Variants in B3GALT1 observed in about 807,000 individuals in gnomAD.
The protein encoded by B3GALT1 is beta-1,3-galactosyltransferase 1, also known as UDP-Gal:betaGlcNAc beta 1,3-galactosyltransferase, polypeptide 1.
In B3GALT1, 10 loss-of-function variants were observed where a neutral mutation model predicts 23.2. The ratio of observed to expected loss-of-function variants is 0.43; its 90% CI spans 0.27 to 0.73. The LOEUF (loss-of-function observed/expected upper bound fraction) is 0.73, where lower values mean the gene tolerates loss of function less well. Ranked by LOEUF, B3GALT1 falls within the 30% of genes least tolerant of loss-of-function variation. B3GALT1 has a pLI of 0.21. For synonymous variants in B3GALT1, 156 were observed against 141.5 expected, an observed-to-expected ratio of 1.10 and a Z score of -0.73; for missense variants, 299 against 405.4, an observed-to-expected ratio of 0.74 and a Z score of 2.25.
At chr2:167,449,315 A>C (rs1456442487) in intron 1 of B3GALT1, among the ~76,000 whole-genome samples, 1 of 152,046 alleles carries the variant, frequency 6.6e-6, no homozygotes, top group African/African-American at 2.4e-5. Context: ...TTCCTTGGTT[A>C]GGTATACTCC....
chr2:167,775,904 A>G (rs1287550607), intron 3 of B3GALT1, among the ~76,000 whole-genome samples: 2 of 152,290 alleles, frequency 1.3e-5, no homozygotes, highest in East Asian at 1.9e-4. Flanking sequence ...AAAAGACACA[A>G]CAGAGACAGT....
intron 2 of B3GALT1, among the ~76,000 whole-genome samples, chr2:167,494,930 C>A (rs1408545305): frequency 1.3e-5 from 2 of 152,106 alleles, no homozygotes; most frequent in African/African-American, 4.8e-5. Context: ...AAATGTTGTA[C>A]CATTGGCTTT....
chr2:167,578,874 G>T (rs1390459895), intron 2 of B3GALT1, among the ~76,000 whole-genome samples: 1 of 152,004 alleles, frequency 6.6e-6, no homozygotes, highest in African/African-American at 2.4e-5. Context: ...CAAATATTCT[G>T]CTTTTTCCTT....
intron 1 of B3GALT1, among the ~76,000 whole-genome samples, chr2:167,330,917 T>C (rs1327469817): frequency 6.6e-6 from 1 of 152,186 alleles, no homozygotes; most frequent in Non-Finnish European, 1.5e-5. Context: ...TTATGCTTCC[T>C]GTATCTTTAT....
At chr2:167,339,184 G>A (rs1697109654) in intron 1 of B3GALT1, among the ~76,000 whole-genome samples, 1 of 152,036 alleles carries the variant, frequency 6.6e-6, no homozygotes, top group South Asian at 2.1e-4. Context: ...TGACTGAAAT[G>A]GCAAAGAACG....
intron 4 of B3GALT1, among the ~76,000 whole-genome samples, chr2:167,819,412 T>C (rs993627731): frequency 9.8e-5 from 15 of 152,346 alleles, no homozygotes; most frequent in Admixed American, 9.8e-4. Context: ...TAAAATGTTT[T>C]TATTTAAAGT....
At chr2:167,815,843 C>T (rs889716626) in intron 3 of B3GALT1, among the ~76,000 whole-genome samples, 2 of 152,174 alleles carry the variant, frequency 1.3e-5, no homozygotes, top group Admixed American at 1.3e-4. Flanking sequence ...GCTATTTCCC[C>T]AGAAAAACAC....
chr2:167,376,787 A>T (rs186946524), intron 1 of B3GALT1, among the ~76,000 whole-genome samples: 23 of 152,232 alleles, frequency 1.5e-4, no homozygotes, highest in Admixed American at 1.4e-3. Flanking sequence ...CTTTCAAAAA[A>T]CAAACTTTTG....
intron 1 of B3GALT1, among the ~76,000 whole-genome samples, chr2:167,436,761 C>A (rs1170921787): frequency 1.3e-5 from 2 of 152,100 alleles, no homozygotes; most frequent in Admixed American, 6.6e-5. Context: ...TCATATCCTG[C>A]AGTCCCCCAG....
chr2:167,549,178 A>C (rs1341856254), intron 2 of B3GALT1, among the ~76,000 whole-genome samples: 1 of 152,196 alleles, frequency 6.6e-6, no homozygotes, highest in East Asian at 1.9e-4. Context: ...TTTGTTAGCT[A>C]TTTATAACAG....
intron 1 of B3GALT1, among the ~76,000 whole-genome samples, chr2:167,409,710 A>T (rs2204278): frequency 0.95 from 143,787 of 151,944 alleles, 68,302 homozygotes; most frequent in Non-Finnish European, 0.99. Flanking sequence ...CCCCTTTAGC[A>T]CAGAGTTGTT....
At chr2:167,320,689 T>C (rs1168834773) in intron 1 of B3GALT1, among the ~76,000 whole-genome samples, 1 of 152,132 alleles carries the variant, frequency 6.6e-6, no homozygotes, top group Non-Finnish European at 1.5e-5. Context: ...GTTTCCTGTA[T>C]AGATTACAAA....
intron 1 of B3GALT1, among the ~76,000 whole-genome samples, chr2:167,445,734 C>G (rs1039512378): frequency 3.9e-5 from 6 of 152,082 alleles, no homozygotes; most frequent in Non-Finnish European, 8.8e-5. Context: ...GCCTCCATCC[C>G]TTTCTTTTGA....
chr2:167,612,494 T>G (rs1685085152), intron 2 of B3GALT1, among the ~76,000 whole-genome samples: 1 of 151,772 alleles, frequency 6.6e-6, no homozygotes, highest in African/African-American at 2.4e-5. Flanking sequence ...CTGGTAATCC[T>G]GTATGTTGTA....
At chr2:167,348,897 A>G (rs1697264919) in intron 1 of B3GALT1, among the ~76,000 whole-genome samples, 2 of 152,150 alleles carry the variant, frequency 1.3e-5, no homozygotes, top group Admixed American at 1.3e-4. Context: ...ATTATATTAT[A>G]GTAAAAGTTC....
At chr2:167,673,985 A>T (rs897103068) in intron 3 of B3GALT1, among the ~76,000 whole-genome samples, 2 of 152,106 alleles carry the variant, frequency 1.3e-5, no homozygotes, top group Admixed American at 1.3e-4. Context: ...TTATATATTT[A>T]CTGGTTCTCA....
chr2:167,402,998 C>G (rs1698216860), intron 1 of B3GALT1, among the ~76,000 whole-genome samples: 1 of 151,518 alleles, frequency 6.6e-6, no homozygotes, highest in Admixed American at 6.6e-5. Context: ...AAATAATGAG[C>G]AAGATTTGGC....
chr2:167,836,373 G>T (rs1026536522), intron 4 of B3GALT1, among the ~76,000 whole-genome samples: 6 of 152,202 alleles, frequency 3.9e-5, no homozygotes, highest in African/African-American at 1.4e-4. Context: ...AGAACTATGT[G>T]AAGAATGCAG....
At chr2:167,303,672 C>G (rs1157426474) in intron 1 of B3GALT1, among the ~76,000 whole-genome samples, 1 of 147,742 alleles carries the variant, frequency 6.8e-6, no homozygotes, top group Non-Finnish European at 1.5e-5. Context: ...CACACACACA[C>G]ACACACACAC....
Sources: allele counts gnomAD v4.1 joint callset (sites outside exome capture counted in the v4.1 genomes callset), GRCh38; gene constraint gnomAD v4.1.1; transcripts MANE v1.5; gene names NCBI Gene and HGNC (gene_info 2026-07-23, HGNC 2026-07-21).